Variants in ZNF430 observed in about 807,000 individuals in gnomAD.
ZNF430 encodes zinc finger protein 430.
A neutral mutation model predicts 56.7 loss-of-function variants in ZNF430; 35 were observed. That is an observed-to-expected ratio of 0.62 (90% CI 0.47 to 0.82). ZNF430 has a LOEUF of 0.82. ZNF430 is among the 40% of genes least tolerant of loss of function. The pLI is 0.00. For missense variants in ZNF430, 574 were observed against 661.0 expected (o/e 0.87, Z 1.44); for synonymous variants, 212 against 224.3 (o/e 0.94, Z 0.49).
intron 2 of ZNF430, among the ~76,000 whole-genome samples, chr19:21,028,526 A>G (rs1967844670): frequency 6.6e-6 from 1 of 152,218 alleles, no homozygotes; most frequent in South Asian, 2.1e-4. Context: ...TTGGGCCATC[A>G]GCCCAGGGTC....
intron 4 of ZNF430, among the ~76,000 whole-genome samples, chr19:21,037,183 C>T (rs1007956267): frequency 1.3e-5 from 2 of 150,230 alleles, no homozygotes; most frequent in Admixed American, 6.6e-5. Context: ...GACGCAATCT[C>T]GGCTCACTGC....
At chr19:21,041,078 G>C (rs1203075676) in intron 4 of ZNF430, among the ~76,000 whole-genome samples, 1 of 152,052 alleles carries the variant, frequency 6.6e-6, no homozygotes, top group African/African-American at 2.4e-5. Flanking sequence ...ACAGCGTATT[G>C]TATGCTTTTT....
chr19:21,053,299 C>G lies in ZNF430; in HGVS notation c.323-3332C>G, dbSNP rs1369480965. 2.0e-5 allele frequency: 3 copies of G among 152,028 alleles called. No individual in the cohort carries two copies. The East Asian group carries it at 5.8e-4, about 29-fold the overall frequency. The allele number at this position is 152,028 out of a possible 1,614,324, so 9.4% of individuals were successfully genotyped here. A position where few individuals can be genotyped will look rare whatever the true frequency, so the allele number is the denominator to read the frequency against. ...CTCAGTACACTCTGCTTCTTTATGT[C>G]TTTATTTCCATGTAACCTGCTTAAA... is the stretch of plus-strand genomic sequence containing the variant. On this transcript the variant is annotated intron_variant, in intron 4 of 4. Transcript: ENST00000261560.
rs1342754716 is a variant in ZNF430, at chr19:21,059,660, G to GA, written c.*1645dup. On this transcript the variant is annotated 3_prime_UTR_variant, in exon 5 of 5. Coordinates refer to ENST00000261560, the MANE Select transcript of ZNF430 (RefSeq NM_025189.4). Reference sequence around the variant, plus strand: ...ACGTTTGAAGTATACTTTATTTCTTGAAAAAATTACAGATTTTTTGTAAAT... The same window carrying GA: ...ACGTTTGAAGTATACTTTATTTCTTGAAAAAAATTACAGATTTTTTGTAAAT... 5.3e-5 allele frequency: 8 copies of GA among 151,278 alleles called. No individual in the cohort carries two copies. The highest frequency in any genetic ancestry group is 8.8e-5 in the Non-Finnish European group (6 of 67,876). The allele number at this position is 151,278 out of a possible 1,614,324, so 9.4% of individuals were successfully genotyped here.
chr19:21,032,852 C>T (rs1315940827), intron 2 of ZNF430, among the ~76,000 whole-genome samples: 2 of 152,160 alleles, frequency 1.3e-5, no homozygotes, highest in Non-Finnish European at 2.9e-5. Flanking sequence ...GAGGTACCTT[C>T]GAACTCAACA....
rs773689895 is a variant in ZNF430, at chr19:21,057,300, A to G, written c.992A>G (p.His331Arg). The change falls in exon 5 of 5, where the codon CAC becomes CGC. Residue 331 changes from histidine to arginine, a missense_variant. By Grantham distance (29) the His-to-Arg change is conservative (BLOSUM62 0). This residue lies in a region of ZNF430 where 346 missense variants were observed against 399.1 expected (regional missense o/e 0.87). Transcript: ENST00000261560. ...GGCAGAGCTTTTAACCGGTCCTCAC[A>G]CCTTACTACACATAAGATTATTCAT... ...ECGRAFNRSS[H>R]LTTHKIIHTG... 1.9e-6 allele frequency: 3 copies of G among 1,611,170 alleles called. No individual in the cohort carries two copies. In the South Asian group the frequency reaches 3.3e-5, roughly 18 times the overall value.
intron 4 of ZNF430, among the ~76,000 whole-genome samples, chr19:21,048,282 T>A (rs1405166988): frequency 2.3e-5 from 3 of 132,362 alleles, no homozygotes; most frequent in African/African-American, 8.2e-5. Context: ...GGTAAGCAGA[T>A]AAACAAGTGA....
intron 4 of ZNF430, among the ~76,000 whole-genome samples, chr19:21,056,154 T>A (rs1297737851): frequency 6.6e-6 from 1 of 152,152 alleles, no homozygotes; most frequent in Non-Finnish European, 1.5e-5. Flanking sequence ...TTTTGTTGGA[T>A]GTTTTTGTTA....
intron 4 of ZNF430, among the ~76,000 whole-genome samples, chr19:21,046,663 C>T (rs972105816): frequency 2.6e-5 from 4 of 152,060 alleles, no homozygotes; most frequent in Non-Finnish European, 5.9e-5. Flanking sequence ...GTAGTGGCCC[C>T]CAATCTCTTA....
chr19:21,022,731 G>A (rs1226241300), intron 1 of ZNF430, 58 bp from the exon 2 acceptor site: 1 of 1,221,902 alleles, frequency 8.2e-7, no homozygotes, highest in Non-Finnish European at 1.2e-6. Context: ...TATCCGCCAT[G>A]GTTATGTCAG....
chr19:21,045,010 T>TAATATTA (rs2144777470), intron 4 of ZNF430, among the ~76,000 whole-genome samples: 1 of 152,220 alleles, frequency 6.6e-6, no homozygotes, highest in East Asian at 1.9e-4. Context: ...TTATTAATGT[T>TAATATTA]TTCAAAAAAA....
Position 21,034,108 on chromosome 19 carries a change from A to C in ZNF430, c.246A>C (p.Pro82=), listed in dbSNP as rs773076782. 6.2e-7 allele frequency: 1 copy of C among 1,613,182 alleles called. No homozygotes were observed. The change falls in exon 4 of 5, where the codon CCA becomes CCC. Residue 82 remains proline (P), a synonymous_variant. Coordinates refer to ENST00000261560, the MANE Select transcript of ZNF430 (RefSeq NM_025189.4). ...AAGCAGGTATTGCTGTTTCTAAGCC[A>C]GACCTGATCACCTGTCTAGAGCAAG... The part of the protein sequence containing the change: ...VFLAGIAVSK[P]DLITCLEQGK...
intron 4 of ZNF430, among the ~76,000 whole-genome samples, chr19:21,045,439 CTG>C (rs1167853217): frequency 2.0e-5 from 3 of 151,954 alleles, no homozygotes; most frequent in Non-Finnish European, 4.4e-5. Context: ...GTCTGAGAGA[CTG>C]TTATGATTTC....
chr19:21,043,072 G>T (rs372356905), intron 4 of ZNF430, among the ~76,000 whole-genome samples: 24 of 152,090 alleles, frequency 1.6e-4, no homozygotes, highest in South Asian at 4.2e-4. Context: ...TAGGTTGTCT[G>T]TTCACTCTGA....
At chr19:21,022,093 C>T (rs1967700849) in intron 1 of ZNF430, among the ~76,000 whole-genome samples, 1 of 152,132 alleles carries the variant, frequency 6.6e-6, no homozygotes, top group South Asian at 2.1e-4. Context: ...CTGCCTTGGC[C>T]TCCCAAAATG....
chr19:21,048,825 C>T (rs962953954), intron 4 of ZNF430, among the ~76,000 whole-genome samples: 32 of 152,172 alleles, frequency 2.1e-4, no homozygotes, highest in Middle Eastern at 3.4e-3. Context: ...CCCCAACCTC[C>T]CTCCTGGACG....
At chr19:21,042,385 T>C (rs1263287345) in intron 4 of ZNF430, among the ~76,000 whole-genome samples, 1 of 152,180 alleles carries the variant, frequency 6.6e-6, no homozygotes, top group Non-Finnish European at 1.5e-5. Context: ...GGAATTCCCA[T>C]AGTGTCTTCC....
At chr19:21,026,345 C>G (rs368823791) in intron 2 of ZNF430, among the ~76,000 whole-genome samples, 24 of 152,016 alleles carry the variant, frequency 1.6e-4, no homozygotes, top group South Asian at 4.2e-4. Context: ...CACGCCACCA[C>G]GCCTGGCCAG....
intron 4 of ZNF430, among the ~76,000 whole-genome samples, chr19:21,055,715 A>G (rs1039199146): frequency 1.3e-5 from 2 of 152,122 alleles, no homozygotes; most frequent in Non-Finnish European, 2.9e-5. Context: ...TGGCCTCCCA[A>G]AGTACTGGAA....
Sources: gnomAD v4.1 joint callset for allele counts (sites outside exome capture counted in the v4.1 genomes callset) on GRCh38, gnomAD v4.1.1 for gene constraint, gnomAD v4.1.1 regional missense constraint, MANE v1.5 for transcripts, NCBI Gene and HGNC (gene_info 2026-07-23, HGNC 2026-07-21) for gene names.